Variants in HHAT observed in about 807,000 individuals in gnomAD.
HHAT encodes the protein hedgehog acyltransferase.
HHAT carries 47 observed loss-of-function variants against 70.8 expected under a neutral mutation model. The ratio of observed to expected loss-of-function variants is 0.66; its 90% CI spans 0.53 to 0.85. The LOEUF (loss-of-function observed/expected upper bound fraction) is 0.85, where lower values mean the gene tolerates loss of function less well. HHAT is among the 40% of genes least tolerant of loss of function. HHAT has a pLI of 0.00. For synonymous variants in HHAT, 228 were observed against 247.6 expected, an observed-to-expected ratio of 0.92 and a Z score of 0.74; for missense variants, 609 against 604.8, an observed-to-expected ratio of 1.01 and a Z score of -0.07.
chr1:210,552,956 C>A (rs1390353863), intron 9 of HHAT, among the ~76,000 whole-genome samples: 1 of 152,206 alleles, frequency 6.6e-6, no homozygotes, highest in East Asian at 1.9e-4. Context: ...AGCAGGTCTC[C>A]TTCATCTCAC....
intron 2 of HHAT, among the ~76,000 whole-genome samples, chr1:210,361,553 G>A (rs7546374): frequency 0.62 from 93,189 of 150,292 alleles, 30,474 homozygotes; most frequent in African/African-American, 0.85. Context: ...GTTTGCATCT[G>A]GTGTGTGTGA....
At chr1:210,578,433 T>TA (rs1002259671) in intron 9 of HHAT, among the ~76,000 whole-genome samples, 2 of 152,076 alleles carry the variant, frequency 1.3e-5, no homozygotes, top group Admixed American at 6.5e-5. Flanking sequence ...CTTAAAAAAA[T>TA]AAAAAAGAGC....
At chr1:210,445,070 C>G (rs1038724168) in intron 7 of HHAT, among the ~76,000 whole-genome samples, 2 of 152,060 alleles carry the variant, frequency 1.3e-5, no homozygotes, top group African/African-American at 2.4e-5. Context: ...GAACTCCTGA[C>G]TGTGTGATCT....
At chr1:210,411,830 T>A (rs1412039956) in intron 6 of HHAT, among the ~76,000 whole-genome samples, 1 of 100,762 alleles carries the variant, frequency 9.9e-6, no homozygotes, top group African/African-American at 2.9e-5. Context: ...TACATGCCTC[T>A]ACATGCCTCT....
chr1:210,417,510 T>G lies in HHAT; in HGVS notation c.685-644T>G, dbSNP rs77352634. Among the ~76,000 whole-genome samples, 708 of 152,330 alleles carry G rather than the reference T, an allele frequency of 4.6e-3. 5 individuals are homozygous for G. Among genetic ancestry groups the G allele is most frequent in the African/African-American group, 0.016 (680 of 41,582 alleles). On this transcript the variant is annotated intron_variant, in intron 6 of 11. Coordinates refer to ENST00000261458, the MANE Select transcript of HHAT (RefSeq NM_018194.6). ...TGGGCCTCCCAAAGTCCTGGGATTCTAGGTGTGAGCCACCATGCCCCACCT... is the reference window on the plus strand; with the variant it reads ...TGGGCCTCCCAAAGTCCTGGGATTCGAGGTGTGAGCCACCATGCCCCACCT...
chr1:210,403,487 A>G (rs1451104623), intron 5 of HHAT, among the ~76,000 whole-genome samples: 1 of 152,204 alleles, frequency 6.6e-6, no homozygotes, highest in Non-Finnish European at 1.5e-5. Context: ...ATGTGATTAG[A>G]AACTAGCTGG....
At chr1:210,335,377 C>T (rs1197105671) in intron 1 of HHAT, among the ~76,000 whole-genome samples, 1 of 148,288 alleles carries the variant, frequency 6.7e-6, no homozygotes, top group Non-Finnish European at 1.5e-5. Context: ...TTTAAAATAA[C>T]AGAGGGTAAG....
At chr1:210,359,080 T>C (rs932518281) in intron 2 of HHAT, among the ~76,000 whole-genome samples, 2 of 152,106 alleles carry the variant, frequency 1.3e-5, no homozygotes, top group African/African-American at 4.8e-5. Flanking sequence ...TTTGGGGAAA[T>C]AGAACCAGGG....
chr1:210,663,394 G>A (rs1315646764), intron 11 of HHAT, among the ~76,000 whole-genome samples: 1 of 152,172 alleles, frequency 6.6e-6, no homozygotes, highest in Admixed American at 6.5e-5. Flanking sequence ...GTGACCTGAA[G>A]CAAGCTGCTG....
chr1:210,653,435 T>G (rs1675608655), intron 11 of HHAT, among the ~76,000 whole-genome samples: 1 of 149,190 alleles, frequency 6.7e-6, no homozygotes, highest in Non-Finnish European at 1.5e-5. Flanking sequence ...GGTGCTGAGG[T>G]GGGAGAATTG....
In HHAT at chr1:210,632,605, G is replaced by A. The variant is rs781601974; in HGVS notation, c.1390+8935G>A. On this transcript the variant is annotated intron_variant, in intron 11 of 11. Transcript: ENST00000261458. Reference sequence around the variant, plus strand: ...CCTCTTTCCTATTGGCACAACTGCCGGCATTCAAACTGCCATGCCAGCTTC... The same window carrying A: ...CCTCTTTCCTATTGGCACAACTGCCAGCATTCAAACTGCCATGCCAGCTTC... Among the ~76,000 whole-genome samples the A allele has an allele frequency of 5.3e-5, 8 of 152,248 alleles. No individual in the cohort carries two copies. In the East Asian group the frequency reaches 5.8e-4, roughly 11 times the overall value.
intron 2 of HHAT, among the ~76,000 whole-genome samples, chr1:210,350,264 T>G (rs1347775364): frequency 1.3e-5 from 2 of 152,226 alleles, no homozygotes; most frequent in South Asian, 2.1e-4. Context: ...AATCAAGATG[T>G]CCTTAAGCAG....
intron 11 of HHAT, among the ~76,000 whole-genome samples, chr1:210,661,165 C>G (rs959189418): frequency 6.6e-6 from 1 of 151,982 alleles, no homozygotes; most frequent in Non-Finnish European, 1.5e-5. Context: ...TGCAATCTAC[C>G]CATCTGACAA....
intron 9 of HHAT, among the ~76,000 whole-genome samples, chr1:210,524,354 G>T (rs893803313): frequency 1.3e-5 from 2 of 152,194 alleles, no homozygotes; most frequent in Non-Finnish European, 2.9e-5. Flanking sequence ...TGTTTGAAGG[G>T]CTGGGCAGGA....
At chr1:210,504,621 G>C (rs2094818591) in intron 8 of HHAT, among the ~76,000 whole-genome samples, 1 of 152,142 alleles carries the variant, frequency 6.6e-6, no homozygotes, top group South Asian at 2.1e-4. Flanking sequence ...GAAATGCCCA[G>C]ATCTCAAGCT....
intron 9 of HHAT, among the ~76,000 whole-genome samples, chr1:210,520,829 G>A (rs1032144147): frequency 2.0e-5 from 3 of 151,970 alleles, no homozygotes; most frequent in Non-Finnish European, 2.9e-5. Flanking sequence ...TAAAAAAATA[G>A]CAAGATAAAT....
chr1:210,485,814 C>T (rs941372144), intron 8 of HHAT, among the ~76,000 whole-genome samples: 8 of 152,170 alleles, frequency 5.3e-5, no homozygotes, highest in South Asian at 2.1e-4. Flanking sequence ...TTTCTCCCAC[C>T]GGGTCCCTCC....
chr1:210,387,328 GA>G (rs2091153633), intron 3 of HHAT, 139 bp from the exon 4 acceptor site: 1 of 676,628 alleles, frequency 1.5e-6, no homozygotes, highest in East Asian at 2.8e-5. Context: ...GGTGGGTGGG[GA>G]AAGGCTAGAA....
chr1:210,531,794 GA>G (rs1245855407), intron 9 of HHAT, among the ~76,000 whole-genome samples: 1 of 152,214 alleles, frequency 6.6e-6, no homozygotes, highest in African/African-American at 2.4e-5. Flanking sequence ...AATCTGATAA[GA>G]AATATCGACA....
Sources: allele counts gnomAD v4.1 joint callset (sites outside exome capture counted in the v4.1 genomes callset), GRCh38; gene constraint gnomAD v4.1.1; transcripts MANE v1.5; gene names NCBI Gene and HGNC (gene_info 2026-07-23, HGNC 2026-07-21).